PEX11G: variants seen among roughly 807,000 people sequenced by gnomAD.
The protein encoded by PEX11G is peroxisomal membrane protein 11C.
Under a neutral mutation model 22.5 loss-of-function variants are expected in PEX11G, and 20 were observed. That is an observed-to-expected ratio of 0.89 (90% CI 0.62 to 1.29). The LOEUF (loss-of-function observed/expected upper bound fraction) is 1.29. Among genes scored for constraint, PEX11G ranks in the 50% most tolerant of loss-of-function variants. The probability of loss-of-function intolerance (pLI) is 0.00; values close to 1 mark genes in which losing one functional copy is unlikely to be tolerated. For synonymous variants in PEX11G, 141 were observed against 154.5 expected (o/e 0.91, Z 0.65); for missense variants, 347 against 331.3 (o/e 1.05, Z -0.37).
intron 2 of PEX11G, among the ~76,000 whole-genome samples, chr19:7,484,772 C>CAAAAAAAAAAAAAAAAAAAAAAAAAA: frequency 7.8e-6 from 1 of 128,898 alleles, no homozygotes; most frequent in African/African-American, 2.8e-5. Context: ...GACCTTGTCT[C>CAAAAAAAAAAAAAAAAAAAAAAAAAA]AAAAAAAAAA....
chr19:7,483,570 G>C (rs577470423), intron 2 of PEX11G, among the ~76,000 whole-genome samples: 11 of 152,328 alleles, frequency 7.2e-5, no homozygotes, highest in African/African-American at 2.4e-4. Flanking sequence ...AGAGGAACGA[G>C]GGGTCTCAGG....
intron 2 of PEX11G, chr19:7,483,181 G>C (rs970240416): frequency 6.8e-6 from 1 of 146,328 alleles, no homozygotes; most frequent in African/African-American, 2.5e-5. Flanking sequence ...CCTCCTCTCT[G>C]ACTTCCCAGG....
At chr19:7,482,309 C>A (rs1977533597) in intron 2 of PEX11G, 98 bp from the exon 3 acceptor site, 1 of 1,357,748 alleles carries the variant, frequency 7.4e-7, no homozygotes, top group Non-Finnish European at 9.8e-7. Flanking sequence ...ATTTCCTGAC[C>A]CCAGTCCCTG....
chr19:7,480,758 C>T (rs1403309042), intron 3 of PEX11G, among the ~76,000 whole-genome samples: 1 of 152,174 alleles, frequency 6.6e-6, no homozygotes, highest in Non-Finnish European at 1.5e-5. Context: ...ACACAGCCTG[C>T]CTGAGGCTGG....
In PEX11G at chr19:7,488,888, T is replaced by C. The variant is rs541997771; in HGVS notation, c.60+63A>G. The C allele has an allele frequency of 1.7e-4, 255 of 1,517,074 alleles. No homozygotes were observed. In the African/African-American group the frequency reaches 2.7e-3, roughly 16 times the overall value. The allele number at this position is 1,517,074 out of a possible 1,614,324, so 94.0% of individuals were successfully genotyped here. A position where few individuals can be genotyped will look rare whatever the true frequency, so the allele number is the denominator to read the frequency against. ...CGACCCCGTCCCCTCTCTGGCCCGT[T>C]TCCCAGTCTCTGAGCTTGGGCCAAA... On this transcript the variant is annotated intron_variant, in intron 1 of 4. Coordinates refer to ENST00000221480, the MANE Select transcript of PEX11G (RefSeq NM_080662.4).
upstream of PEX11G, chr19:7,489,085 C>T: frequency 7.2e-7 from 1 of 1,390,272 alleles, no homozygotes; most frequent in East Asian, 2.9e-5. Context: ...ACCGGGAGCG[C>T]CCCAAAGGCT....
rs772329624 is a variant in PEX11G, at chr19:7,482,181, C to T, written c.280G>A (p.Val94Ile). Residue 94 changes from valine to isoleucine, a missense_variant, in exon 3 of 5, where the codon GTC (valine) becomes ATC (isoleucine). Coordinates refer to ENST00000221480, the MANE Select transcript of PEX11G (RefSeq NM_080662.4). ...AGCTGGTCAGCCAGGTTCCCTAGGA[C>T]GGAGACACAGCGGACAAAGGCGTCC... ...EEDAFVRCVS[V>I]LGNLADQLYY... The T allele has an allele frequency of 1.8e-5, 29 of 1,582,534 alleles. No individual in the cohort carries two copies. The highest frequency in any genetic ancestry group is 1.7e-4 in the Middle Eastern group (1 of 6,028).
chr19:7,485,775 T>A lies in PEX11G; in HGVS notation c.249+63A>T, dbSNP rs189927856. The A allele has an allele frequency of 5.3e-5, 77 of 1,449,856 alleles. No individual in the cohort carries two copies. The East Asian group carries it at 1.4e-3, about 27-fold the overall frequency. The allele number at this position is 1,449,856 out of a possible 1,614,324, so 89.8% of individuals were successfully genotyped here. On this transcript the variant is annotated intron_variant, in intron 2 of 4. Coordinates refer to ENST00000221480, the MANE Select transcript of PEX11G (RefSeq NM_080662.4). ...TGAGCCACTGTGAGGGGCCAAAAAATTTTTTAAAAAATGTCCACTCAGGTC... is the reference window on the plus strand; with the variant it reads ...TGAGCCACTGTGAGGGGCCAAAAAAATTTTTAAAAAATGTCCACTCAGGTC...
At chr19:7,490,490 ATTTTTTTT>A (rs59322811), upstream of PEX11G, among the ~76,000 whole-genome samples, 24 of 114,888 alleles carry the variant, frequency 2.1e-4, no homozygotes, top group African/African-American at 2.9e-4. Flanking sequence ...CGCCTGGGTA[ATTTTTTTT>A]TTTTTTTTTT....
At chr19:7,481,730 C>G (rs1347957592) in intron 3 of PEX11G, among the ~76,000 whole-genome samples, 3 of 152,206 alleles carry the variant, frequency 2.0e-5, no homozygotes, top group Non-Finnish European at 4.4e-5. Flanking sequence ...CCCCTGGGAC[C>G]TCCAGAAGGC....
At chr19:7,488,827 AGCTCGGACGGG>A in intron 1 of PEX11G, 113 bp downstream of exon 1, 1 of 989,394 alleles carries the variant, frequency 1.0e-6, no homozygotes, top group East Asian at 2.7e-5. Flanking sequence ...ATTTGAGCCT[AGCTCGGACGGG>A]GCCTCTGCGA....
At chr19:7,489,053 G>T (rs759488785), upstream of PEX11G, 121 of 1,479,248 alleles carry the variant, frequency 8.2e-5, no homozygotes, top group Non-Finnish European at 8.2e-5. Flanking sequence ...CGCCGCGCCA[G>T]GGGGCGGGGC....
chr19:7,487,289 G>C (rs968607790), intron 1 of PEX11G, among the ~76,000 whole-genome samples: 5 of 152,176 alleles, frequency 3.3e-5, no homozygotes, highest in African/African-American at 4.8e-5. Flanking sequence ...CAAAGCCTTT[G>C]GATGTGCTGA....
chr19:7,494,696 G>C (rs73921447), intron 1 of PEX11G, among the ~76,000 whole-genome samples: 4,062 of 152,248 alleles, frequency 0.027, 190 homozygotes, highest in African/African-American at 0.092. Flanking sequence ...GCTGGCCTTG[G>C]TGTTGCTAGG....
intron 1 of PEX11G, among the ~76,000 whole-genome samples, chr19:7,486,958 G>T (rs1002921477): frequency 6.6e-6 from 1 of 151,666 alleles, no homozygotes; most frequent in African/African-American, 2.4e-5. Context: ...GATGCTGGAG[G>T]ATCACTTGAG....
intron 3 of PEX11G, among the ~76,000 whole-genome samples, chr19:7,480,174 G>A (rs529914828): frequency 6.6e-6 from 1 of 152,184 alleles, no homozygotes; most frequent in South Asian, 2.1e-4. Flanking sequence ...AGGCTGAGGT[G>A]GGAGTATTGT....
upstream of PEX11G, among the ~76,000 whole-genome samples, chr19:7,490,642 ATTTTTTTTTT>A (rs749165168): frequency 5.3e-4 from 29 of 55,114 alleles, no homozygotes; most frequent in South Asian, 1.5e-3. Context: ...CCTGGCCTCT[ATTTTTTTTTT>A]TTTTTTTTTT....
intron 2 of PEX11G, among the ~76,000 whole-genome samples, chr19:7,484,663 C>G (rs1186188150): frequency 6.6e-6 from 1 of 151,542 alleles, no homozygotes; most frequent in Non-Finnish European, 1.5e-5. Flanking sequence ...ATCCCAGCTA[C>G]GTGAGGGGCT....
upstream of PEX11G, chr19:7,489,160 G>A (rs1356836935): frequency 8.6e-7 from 1 of 1,156,230 alleles, no homozygotes; most frequent in African/African-American, 1.7e-5. Flanking sequence ...GTAGGGGAGG[G>A]ACAGAGTTTG....
Sources: gnomAD v4.1 joint callset for allele counts (sites outside exome capture counted in the v4.1 genomes callset) on GRCh38, gnomAD v4.1.1 for gene constraint, MANE v1.5 for transcripts, NCBI Gene and HGNC (gene_info 2026-07-23, HGNC 2026-07-21) for gene names.